The following GLRX5 variants were observed in gnomAD, a reference collection of about 807,000 sequenced individuals.
The protein encoded by GLRX5 is glutaredoxin-related protein 5, mitochondrial.
GLRX5 carries 10 observed loss-of-function variants against 13.8 expected under a neutral mutation model. The observed-to-expected ratio is 0.72, with a 90% CI of 0.45 to 1.23. GLRX5 has a LOEUF of 1.23. Ranked by LOEUF, GLRX5 falls within the 50% of genes most tolerant of loss-of-function variation. The pLI, the probability that GLRX5 is intolerant of heterozygous loss-of-function variation, is 0.00. For synonymous variants in GLRX5, 98 were observed against 101.1 expected, an observed-to-expected ratio of 0.97 and a Z score of 0.18; for missense variants, 233 against 215.2, an observed-to-expected ratio of 1.08 and a Z score of -0.52.
chr14:95,536,942 T>A (rs1006108013), intron 1 of GLRX5, among the ~76,000 whole-genome samples: 7 of 152,210 alleles, frequency 4.6e-5, no homozygotes, highest in Non-Finnish European at 1.5e-5. Context: ...GTCTTCCTTG[T>A]CAACTAGTAT....
chr14:95,540,453 A>C (rs1891455683), intron 1 of GLRX5, among the ~76,000 whole-genome samples: 1 of 152,156 alleles, frequency 6.6e-6, no homozygotes, highest in Admixed American at 6.5e-5. Context: ...ACTGAGGCTA[A>C]AAGATTAACA....
chr14:95,541,443 G>A (rs1250625884), intron 1 of GLRX5, among the ~76,000 whole-genome samples: 5 of 152,206 alleles, frequency 3.3e-5, no homozygotes, highest in African/African-American at 7.2e-5. Context: ...GGGTGCCAAC[G>A]TTTGGCCTTG....
Position 95,535,097 on chromosome 14 carries a change from G to A in GLRX5, c.8G>A (p.Gly3Glu), listed in dbSNP as rs1891334424. 2.3e-6 allele frequency: 3 copies of A among 1,326,428 alleles called. No individual in the cohort carries two copies. Among genetic ancestry groups the A allele is most frequent in the Non-Finnish European group, 2.0e-6 (2 of 1,025,484 alleles). The allele number at this position is 1,326,428 out of a possible 1,614,324, so 82.2% of individuals were successfully genotyped here. A position where few individuals can be genotyped will look rare whatever the true frequency, so the allele number is the denominator to read the frequency against. Reference sequence around the variant, plus strand: ...TCCGGCTTGCGTGCGGAGATGAGCGGGTCCCTCGGCCGAGCTGCGGCGGCT... The same window carrying A: ...TCCGGCTTGCGTGCGGAGATGAGCGAGTCCCTCGGCCGAGCTGCGGCGGCT... Reference protein sequence around the residue: MSGSLGRAAAALL... With the variant: MSESLGRAAAALL... The change falls in exon 1 of 2, where the codon GGG (glycine) becomes GAG (glutamate). Residue 3 changes from glycine (G) to glutamate (E), a missense_variant. Physicochemically the swap from Gly to Glu is moderately conservative, Grantham distance 98. Coordinates refer to ENST00000331334, the MANE Select transcript of GLRX5 (RefSeq NM_016417.3).
chr14:95,536,777 T>G (rs1175419346), intron 1 of GLRX5, among the ~76,000 whole-genome samples: 1 of 148,580 alleles, frequency 6.7e-6, no homozygotes, highest in East Asian at 1.9e-4. Context: ...ATCTAGTCCT[T>G]AAAGACTCTT....
At chr14:95,538,044 C>T (rs1474303813) in intron 1 of GLRX5, among the ~76,000 whole-genome samples, 1 of 152,064 alleles carries the variant, frequency 6.6e-6, no homozygotes, top group Non-Finnish European at 1.5e-5. Flanking sequence ...GAAGGAAAAT[C>T]ACCTGTAATT....
intron 1 of GLRX5, among the ~76,000 whole-genome samples, chr14:95,536,603 G>A (rs1891385888): frequency 6.6e-6 from 1 of 152,210 alleles, no homozygotes; most frequent in Non-Finnish European, 1.5e-5. Flanking sequence ...TCACTCACCT[G>A]CATTTGAGGA....
In GLRX5 at chr14:95,535,274, C is replaced by G. The variant is rs577438813; in HGVS notation, c.185C>G (p.Pro62Arg). ...DKVVVFLKGTPEQPQCGFSNA... is the reference protein window; with the variant it reads ...DKVVVFLKGTREQPQCGFSNA... Reference sequence around the variant, plus strand: ...GTGGTGGTCTTCCTCAAGGGGACGCCGGAGCAGCCCCAGTGCGGCTTCAGC... The same window carrying G: ...GTGGTGGTCTTCCTCAAGGGGACGCGGGAGCAGCCCCAGTGCGGCTTCAGC... The change falls in exon 1 of 2, where the codon CCG (proline) becomes CGG (arginine). Residue 62 changes from proline to arginine, a missense_variant. By Grantham distance (103) the Pro-to-Arg change is moderately radical. Transcript: ENST00000331334. 1.4e-5 allele frequency: 22 copies of G among 1,570,228 alleles called. No homozygotes were observed. The highest frequency in any genetic ancestry group is 1.8e-5 in the Non-Finnish European group (21 of 1,159,354).
intron 1 of GLRX5, among the ~76,000 whole-genome samples, chr14:95,540,292 A>C (rs559566973): frequency 6.6e-6 from 1 of 152,280 alleles, no homozygotes; most frequent in South Asian, 2.1e-4. Flanking sequence ...ATTACTGTGA[A>C]GGGTGGGTGG....
intron 1 of GLRX5, among the ~76,000 whole-genome samples, chr14:95,542,266 T>A (rs921327497): frequency 3.3e-5 from 5 of 152,380 alleles, no homozygotes; most frequent in Admixed American, 2.0e-4. Flanking sequence ...TCTAGATATT[T>A]GGCATTATAA....
chr14:95,541,325 A>G (rs1891469577), intron 1 of GLRX5, among the ~76,000 whole-genome samples: 1 of 152,182 alleles, frequency 6.6e-6, no homozygotes, highest in South Asian at 2.1e-4. Flanking sequence ...TTTTATTATT[A>G]TTAGGAGTTT....
intron 1 of GLRX5, among the ~76,000 whole-genome samples, chr14:95,539,883 G>GTA (rs200200501): frequency 5.1e-4 from 55 of 108,322 alleles, no homozygotes; most frequent in East Asian, 3.5e-3. Flanking sequence ...TCAATAAATG[G>GTA]TATATATATA....
chr14:95,537,296 G>A (rs891464112), intron 1 of GLRX5, among the ~76,000 whole-genome samples: 1 of 152,152 alleles, frequency 6.6e-6, no homozygotes, highest in Non-Finnish European at 1.5e-5. Context: ...TTTTATCCAC[G>A]TCTGGTGTCT....
chr14:95,538,979 C>G (rs577947739), intron 1 of GLRX5, among the ~76,000 whole-genome samples: 2 of 152,208 alleles, frequency 1.3e-5, no homozygotes, highest in Non-Finnish European at 2.9e-5. Context: ...GGCCAGGGAT[C>G]GAGGACTTAC....
At chr14:95,535,424 C>G in intron 1 of GLRX5, 40 bp downstream of exon 1, 1 of 1,526,466 alleles carries the variant, frequency 6.6e-7, no homozygotes, top group African/African-American at 1.4e-5. Context: ...CCGCCCCGGG[C>G]CCAGGAGCAT....
In GLRX5 at chr14:95,544,085, C is replaced by T. The variant is rs766798487; in HGVS notation, c.434C>T (p.Ser145Phe). The change falls in exon 2 of 2, where the codon TCC becomes TTC. Residue 145 changes from serine to phenylalanine, a missense_variant. Ser to Phe is a radical substitution (Grantham distance 155, BLOSUM62 -2). Coordinates refer to ENST00000331334, the MANE Select transcript of GLRX5 (RefSeq NM_016417.3). Reference sequence around the variant, plus strand: ...GAACTGAAAAAGCTGGGGATCCACTCCGCCCTTTTAGATGAAAAGAAAGAC... The same window carrying T: ...GAACTGAAAAAGCTGGGGATCCACTTCGCCCTTTTAGATGAAAAGAAAGAC... ...VEELKKLGIH[S>F]ALLDEKKDQD... is the part of the protein sequence containing the mutation. 4.3e-6 allele frequency: 7 copies of T among 1,613,992 alleles called. No homozygotes were observed. In the East Asian group the frequency reaches 8.9e-5, roughly 21 times the overall value.
intron 1 of GLRX5, among the ~76,000 whole-genome samples, chr14:95,537,975 G>T (rs1201417335): frequency 6.6e-6 from 1 of 152,170 alleles, no homozygotes; most frequent in African/African-American, 2.4e-5. Flanking sequence ...CCTAATCCTG[G>T]TCTTAATAAA....
chr14:95,537,810 C>T (rs1298781964), intron 1 of GLRX5, among the ~76,000 whole-genome samples: 1 of 152,214 alleles, frequency 6.6e-6, no homozygotes, highest in Admixed American at 6.5e-5. Flanking sequence ...GATACAGACA[C>T]ATCTTGAGAC....
chr14:95,543,843 G>A, intron 1 of GLRX5, 104 bp from the exon 2 acceptor site: 1 of 961,174 alleles, frequency 1.0e-6, no homozygotes, highest in Non-Finnish European at 1.7e-6. Flanking sequence ...AAGCCAGGGA[G>A]GGACAGTGGG....
chr14:95,542,479 G>T (rs1355305924), intron 1 of GLRX5, among the ~76,000 whole-genome samples: 1 of 152,110 alleles, frequency 6.6e-6, no homozygotes, highest in Non-Finnish European at 1.5e-5. Flanking sequence ...GTCATTTAGA[G>T]CAAAGTCAGT....
Sources: allele counts gnomAD v4.1 joint callset (sites outside exome capture counted in the v4.1 genomes callset), GRCh38; gene constraint gnomAD v4.1.1; transcripts MANE v1.5; gene names NCBI Gene and HGNC (gene_info 2026-07-23, HGNC 2026-07-21).